Variants in DLGAP2 observed in about 807,000 individuals in gnomAD.
The protein encoded by DLGAP2 is disks large-associated protein 2.
In DLGAP2, 26 loss-of-function variants were observed where a neutral mutation model predicts 100.3. That is an observed-to-expected ratio of 0.26 (90% CI 0.19 to 0.36). The LOEUF is 0.36. Among genes scored for constraint, DLGAP2 ranks in the 10% least tolerant of loss-of-function variants. DLGAP2 has a pLI of 1.00. For missense variants in DLGAP2, 1,858 were observed against 1,453.2 expected (o/e 1.28, Z -4.53); for synonymous variants, 886 against 630.1 (o/e 1.41, Z -6.08).
intron 3 of DLGAP2, among the ~76,000 whole-genome samples, chr8:1,355,852 C>T (rs1418884708): frequency 6.6e-6 from 1 of 152,156 alleles, no homozygotes; most frequent in Non-Finnish European, 1.5e-5. Context: ...AAGCTAGTCC[C>T]CTTCACTCCT....
intron 1 of DLGAP2, among the ~76,000 whole-genome samples, chr8:889,685 G>A (rs535781035): frequency 3.0e-4 from 45 of 152,344 alleles, no homozygotes; most frequent in African/African-American, 1.0e-3. Flanking sequence ...TGGGTGCCGG[G>A]GAGTTTAGCA....
intron 2 of DLGAP2, among the ~76,000 whole-genome samples, chr8:985,414 C>G (rs968873864): frequency 6.6e-6 from 1 of 152,252 alleles, no homozygotes; most frequent in East Asian, 1.9e-4. Flanking sequence ...AGGGCCATGA[C>G]AACCACCTCA....
intron 2 of DLGAP2, among the ~76,000 whole-genome samples, chr8:1,020,679 G>C (rs1801601298): frequency 6.6e-6 from 1 of 152,190 alleles, no homozygotes; most frequent in Non-Finnish European, 1.5e-5. Context: ...CACTGAGTAA[G>C]GGGAACCAAC....
intron 3 of DLGAP2, among the ~76,000 whole-genome samples, chr8:1,268,489 G>A (rs563878216): frequency 1.6e-4 from 25 of 152,322 alleles, no homozygotes; most frequent in Non-Finnish European, 2.2e-4. Context: ...TGTCTTCCGC[G>A]TTAGAGTGTC....
chr8:875,407 T>C (rs1797671399), intron 1 of DLGAP2, among the ~76,000 whole-genome samples: 1 of 152,204 alleles, frequency 6.6e-6, no homozygotes, highest in Non-Finnish European at 1.5e-5. Flanking sequence ...GGTAATTGAA[T>C]CATGGCGGCA....
intron 3 of DLGAP2, among the ~76,000 whole-genome samples, chr8:1,470,841 G>T (rs1411863053): frequency 0.014 from 233 of 16,840 alleles, 9 homozygotes; most frequent in East Asian, 0.05. Context: ...GACCCCTCCA[G>T]GCTTTCCCGA....
At chr8:973,136 C>G (rs1306921531) in intron 2 of DLGAP2, among the ~76,000 whole-genome samples, 1 of 152,252 alleles carries the variant, frequency 6.6e-6, no homozygotes, top group East Asian at 1.9e-4. Flanking sequence ...GTTGGGTACA[C>G]CTCCCAGATG....
At chr8:836,845 A>C (rs1796887447) in intron 1 of DLGAP2, among the ~76,000 whole-genome samples, 1 of 152,182 alleles carries the variant, frequency 6.6e-6, no homozygotes, top group African/African-American at 2.4e-5. Flanking sequence ...GGACCATACC[A>C]GACTCTGCGC....
At chr8:1,473,313 A>G (rs549638142) in intron 3 of DLGAP2, among the ~76,000 whole-genome samples, 32 of 152,222 alleles carry the variant, frequency 2.1e-4, no homozygotes, top group Non-Finnish European at 3.5e-4. Flanking sequence ...GTAGATGAAC[A>G]GAAGAAGGTT....
intron 2 of DLGAP2, among the ~76,000 whole-genome samples, chr8:1,027,642 G>A (rs1428664175): frequency 6.8e-6 from 1 of 147,846 alleles, no homozygotes; most frequent in Non-Finnish European, 1.5e-5. Context: ...TTATTCTCCA[G>A]GTGGGGTACC....
At chr8:1,380,937 C>CCAA in intron 3 of DLGAP2, 1 of 77,128 alleles carries the variant, frequency 1.3e-5, no homozygotes, top group Non-Finnish European at 2.5e-5. Context: ...GAACATGATT[C>CCAA]AAAAAAAAAA....
chr8:743,928 T>A (rs534363253), intron 1 of DLGAP2, among the ~76,000 whole-genome samples: 1 of 152,382 alleles, frequency 6.6e-6, no homozygotes, highest in East Asian at 1.9e-4. Flanking sequence ...CTCACTAAGC[T>A]ACTGTGGTTT....
intron 2 of DLGAP2, among the ~76,000 whole-genome samples, chr8:942,359 C>T (rs1013888842): frequency 1.3e-5 from 2 of 152,258 alleles, no homozygotes; most frequent in African/African-American, 4.8e-5. Flanking sequence ...GTTTCTGGCA[C>T]ACTCAGCACT....
chr8:1,680,668 G>A (rs1465373329), intron 12 of DLGAP2: 1 of 152,224 alleles, frequency 6.6e-6, no homozygotes, highest in Non-Finnish European at 1.5e-5. Flanking sequence ...TCGTTCACAC[G>A]GCGTTTGCAT....
chr8:1,293,156 CCTCT>C (rs1178693135), intron 3 of DLGAP2, among the ~76,000 whole-genome samples: 2 of 152,046 alleles, frequency 1.3e-5, no homozygotes, highest in African/African-American at 2.4e-5. Flanking sequence ...CCTGTCTCCC[CCTCT>C]CTCTCTGTCT....
intron 2 of DLGAP2, among the ~76,000 whole-genome samples, chr8:1,025,410 A>C (rs778237258): frequency 2.0e-5 from 3 of 152,220 alleles, no homozygotes; most frequent in Non-Finnish European, 4.4e-5. Flanking sequence ...AAAGATTAAT[A>C]AAATAGGATT....
chr8:879,475 C>T (rs965857522), intron 1 of DLGAP2, among the ~76,000 whole-genome samples: 3 of 152,174 alleles, frequency 2.0e-5, no homozygotes, highest in Non-Finnish European at 4.4e-5. Context: ...TCAGTTTGTC[C>T]TGTGAAGGCA....
chr8:1,077,883 G>T (rs556870879), intron 2 of DLGAP2, among the ~76,000 whole-genome samples: 1 of 152,124 alleles, frequency 6.6e-6, no homozygotes, highest in East Asian at 1.9e-4. Flanking sequence ...GCACACGCCC[G>T]TGTGCGTGCA....
chr8:1,456,207 G>T (rs1456690925), intron 3 of DLGAP2, among the ~76,000 whole-genome samples: 2 of 152,150 alleles, frequency 1.3e-5, no homozygotes, highest in Admixed American at 6.5e-5. Context: ...TTGCAAACAG[G>T]ACGCCCTAGT....
Sources: allele counts gnomAD v4.1 joint callset (sites outside exome capture counted in the v4.1 genomes callset), GRCh38; gene constraint gnomAD v4.1.1; transcripts MANE v1.5; gene names NCBI Gene and HGNC (gene_info 2026-07-23, HGNC 2026-07-21).